Variants in PTPRS observed in about 807,000 individuals in gnomAD.
PTPRS encodes protein tyrosine phosphatase receptor type S.
In PTPRS, 63 loss-of-function variants were observed where a neutral mutation model predicts 215.3. That is an observed-to-expected ratio of 0.29 (90% CI 0.24 to 0.36). The LOEUF is 0.36. Ranked by LOEUF, PTPRS falls within the 10% of genes least tolerant of loss-of-function variation. The pLI, the probability that PTPRS is intolerant of heterozygous loss-of-function variation, is 1.00. For missense variants in PTPRS, 2,258 were observed against 2,825.8 expected (o/e 0.80, Z 4.56); for synonymous variants, 1,404 against 1,191.4 (o/e 1.18, Z -3.68).
intron 1 of PTPRS, among the ~76,000 whole-genome samples, chr19:5,308,410 G>T (rs1474892919): frequency 6.6e-6 from 1 of 152,176 alleles, no homozygotes; most frequent in East Asian, 1.9e-4. Context: ...GTCTGCATCA[G>T]TCACTATAGT....
chr19:5,226,430 T>C (rs187678925), intron 16 of PTPRS, among the ~76,000 whole-genome samples: 149 of 152,292 alleles, frequency 9.8e-4, no homozygotes, highest in African/African-American at 3.5e-3. Context: ...GAGCTGTTAT[T>C]AAAAATTAAA....
intron 1 of PTPRS, among the ~76,000 whole-genome samples, chr19:5,289,340 T>C (rs1023155841): frequency 6.6e-6 from 1 of 152,184 alleles, no homozygotes; most frequent in African/African-American, 2.4e-5. Flanking sequence ...TCCAGCCCCA[T>C]TGTCACCGAC....
At chr19:5,281,979 T>C (rs1202119113) in intron 2 of PTPRS, among the ~76,000 whole-genome samples, 1 of 152,090 alleles carries the variant, frequency 6.6e-6, no homozygotes. Flanking sequence ...TGGGGAGCCT[T>C]CTTGGATTAC....
At position 5,238,048 on chromosome 19, in the gene PTPRS, T is replaced by C. The variant is rs1002578869; in HGVS notation, c.1849+871A>G. On this transcript the variant is annotated intron_variant, in intron 13 of 37. Coordinates refer to ENST00000262963, the MANE Select transcript of PTPRS (RefSeq NM_002850.4). ...CTGGGGTGGCTACGCCGTGACTGACTGGGTGAAGGGAGGGAAGAGGGGGAA... is the reference window on the plus strand; with the variant it reads ...CTGGGGTGGCTACGCCGTGACTGACCGGGTGAAGGGAGGGAAGAGGGGGAA... Among the ~76,000 whole-genome samples, 9 of 151,580 alleles carry C rather than the reference T, an allele frequency of 5.9e-5. No homozygotes were observed. The South Asian group carries it at 1.9e-3, about 32-fold the overall frequency.
intron 1 of PTPRS, among the ~76,000 whole-genome samples, chr19:5,318,095 T>G (rs1338432167): frequency 6.7e-6 from 1 of 150,352 alleles, no homozygotes; most frequent in East Asian, 2.0e-4. Flanking sequence ...GACGTGAACC[T>G]AGGAGGTGGA....
rs748845839 is a variant in PTPRS, at chr19:5,220,982, G to A, written c.3455+18C>T. 1 of 1,590,588 alleles carries A rather than the reference G, an allele frequency of 6.3e-7. No individual in the cohort carries two copies. Among genetic ancestry groups the A allele is most frequent in the Middle Eastern group, 1.7e-4 (1 of 5,952 alleles). ...TGATGGGGGTGACAAGGAACCCGGA[G>A]CATGGGGGTGAGCATACTGGACAGG... On this transcript the variant is annotated intron_variant, in intron 20 of 37. Coordinates refer to ENST00000262963, the MANE Select transcript of PTPRS (RefSeq NM_002850.4).
intron 25 of PTPRS, among the ~76,000 whole-genome samples, chr19:5,217,696 C>G (rs764318419): frequency 1.3e-5 from 2 of 152,070 alleles, no homozygotes; most frequent in Non-Finnish European, 2.9e-5. Flanking sequence ...AAGTGGAGAC[C>G]GGGTACAGTT....
rs1182812318 is a variant in PTPRS at position 5,206,283 on chromosome 19, T to A, written c.*491A>T. The A allele has an allele frequency of 3.1e-5, 7 of 227,876 alleles. No individual in the cohort carries two copies. The highest frequency in any genetic ancestry group is 5.7e-5 in the Admixed American group (1 of 17,540). 14.1% of individuals were successfully genotyped at this position (227,876 alleles called of 1,614,324 possible). A position where few individuals can be genotyped will look rare whatever the true frequency, so the allele number is the denominator to read the frequency against. The stretch of plus-strand genomic sequence containing the variant: ...AAAATGGAAAAAAAAATACACTATT[T>A]AAAAAAAATGAAATGTCACGGGATA... On this transcript the variant is annotated 3_prime_UTR_variant, in exon 38 of 38. Coordinates refer to ENST00000262963, the MANE Select transcript of PTPRS (RefSeq NM_002850.4).
intron 1 of PTPRS, among the ~76,000 whole-genome samples, chr19:5,312,079 A>T (rs72985122): frequency 6.6e-6 from 1 of 152,036 alleles, no homozygotes; most frequent in Non-Finnish European, 1.5e-5. Flanking sequence ...ATCCCACATG[A>T]CATCTCCTGG....
At chr19:5,330,216 G>C (rs1568621752) in intron 1 of PTPRS, among the ~76,000 whole-genome samples, 1 of 152,186 alleles carries the variant, frequency 6.6e-6, no homozygotes, top group Non-Finnish European at 1.5e-5. Context: ...CAGCCTCCAG[G>C]AGTGTAGAAA....
intron 1 of PTPRS, among the ~76,000 whole-genome samples, chr19:5,309,872 C>T (rs1326100082): frequency 6.6e-6 from 1 of 151,638 alleles, no homozygotes; most frequent in African/African-American, 2.4e-5. Flanking sequence ...CTGCACTCAT[C>T]CCCCACAGTC....
chr19:5,224,314 G>A (rs1469183186), intron 17 of PTPRS, among the ~76,000 whole-genome samples: 1 of 151,270 alleles, frequency 6.6e-6, no homozygotes, highest in African/African-American at 2.4e-5. Flanking sequence ...GTGTAGAGCC[G>A]GCACTGGGCT....
chr19:5,304,512 G>GGTGGTGCACGCCT (rs2049413592), intron 1 of PTPRS, among the ~76,000 whole-genome samples: 1 of 152,060 alleles, frequency 6.6e-6, no homozygotes, highest in East Asian at 1.9e-4. Flanking sequence ...AGCCAGGCAT[G>GGTGGTGCACGCCT]GTGGTGCACG....
rs768272217 is a variant in PTPRS at position 5,222,681 on chromosome 19, G to C, written c.3103+8C>G. The stretch of plus-strand genomic sequence containing the variant: ...CCGGCTCTGGTGCAGGGGTCGCCGC[G>C]CGCCTACCTTGGTCCCGCAGGAACG... On this transcript the variant is annotated splice_region_variant and intron_variant, in intron 18 of 37. Coordinates refer to ENST00000262963, the MANE Select transcript of PTPRS (RefSeq NM_002850.4). 2.7e-5 allele frequency: 42 copies of C among 1,566,140 alleles called. No homozygotes were observed. In the African/African-American group the frequency reaches 2.9e-4, roughly 11 times the overall value.
At chr19:5,232,277 T>G (rs534273250) in intron 13 of PTPRS, among the ~76,000 whole-genome samples, 1 of 145,384 alleles carries the variant, frequency 6.9e-6, no homozygotes, top group East Asian at 2.1e-4. Context: ...TAAAGGCTTA[T>G]TATGTGCCAG....
chr19:5,239,327 G>C (rs1467327214), intron 12 of PTPRS, among the ~76,000 whole-genome samples: 1 of 151,798 alleles, frequency 6.6e-6, no homozygotes, highest in Non-Finnish European at 1.5e-5. Flanking sequence ...GAGAGACAGA[G>C]ACAGAGAGAA....
intron 30 of PTPRS, 87 bp downstream of exon 30, chr19:5,214,274 G>T (rs2041208619): frequency 1.9e-6 from 3 of 1,574,928 alleles, no homozygotes; most frequent in Non-Finnish European, 2.6e-6. Flanking sequence ...GTCCCATGGG[G>T]AGCTCCCTGG....
rs34907337 is a variant in PTPRS at position 5,338,168 on chromosome 19, A to G, written c.-95+2496T>C. On this transcript the variant is annotated intron_variant, in intron 1 of 37. Coordinates refer to ENST00000262963, the MANE Select transcript of PTPRS (RefSeq NM_002850.4). This position sits in a 1 kb window ranked among gnomAD's most constrained non-coding sequence, Gnocchi z 4.2. Reference sequence around the variant, plus strand: ...ACGGCATCTCTGGACGGCCACTGACAGTACCAGTCTCTGTCACCCCCTGGG... The same window carrying G: ...ACGGCATCTCTGGACGGCCACTGACGGTACCAGTCTCTGTCACCCCCTGGG... 0.045 allele frequency among the ~76,000 whole-genome samples: 6,801 copies of G among 152,306 alleles called. 234 individuals are homozygous for G. Among genetic ancestry groups the G allele is most frequent in the African/African-American group, 0.086 (3,590 of 41,560 alleles).
rs573219907 is a variant in PTPRS at position 5,211,643 on chromosome 19, G to A, written c.5181C>T (p.Ile1727=). Residue 1727 remains isoleucine, a synonymous_variant, in exon 33 of 38, where the codon ATC becomes ATT. Coordinates refer to ENST00000262963, the MANE Select transcript of PTPRS (RefSeq NM_002850.4). The part of the protein sequence containing the change: ...YESTRVCLQP[I]RGVEGSDYIN... ...TGTAGTCAGAGCCCTCCACACCCCG[G>A]ATGGGTTGCAGACAGACCCGTGTGC... 9.9e-5 allele frequency: 160 copies of A among 1,613,990 alleles called. 1 individual carries two copies. The South Asian group carries it at 1.7e-3, about 17-fold the overall frequency.
Sources: gnomAD v4.1 joint callset for allele counts (sites outside exome capture counted in the v4.1 genomes callset) on GRCh38, gnomAD v4.1.1 for gene constraint, Gnocchi (gnomAD v3.1) non-coding constraint, MANE v1.5 for transcripts, NCBI Gene and HGNC (gene_info 2026-07-23, HGNC 2026-07-21) for gene names.